The following SLC7A14 variants were observed in gnomAD, a reference collection of about 807,000 sequenced individuals.
SLC7A14 encodes gamma-aminobutyric acid transporter SLC7A14.
SLC7A14 carries 37 observed loss-of-function variants against 60.2 expected under a neutral mutation model. The ratio of observed to expected loss-of-function variants is 0.61; its 90% confidence interval spans 0.47 to 0.81. The LOEUF (loss-of-function observed/expected upper bound fraction) is 0.81, where lower values mean the gene tolerates loss of function less well. Ranked by LOEUF, SLC7A14 falls within the 30% of genes least tolerant of loss-of-function variation. The pLI is 0.00. For synonymous variants in SLC7A14, 399 were observed against 395.8 expected, an observed-to-expected ratio of 1.01 and a Z score of -0.10; for missense variants, 886 against 982.7, an observed-to-expected ratio of 0.90 and a Z score of 1.32.
intron 1 of SLC7A14, among the ~76,000 whole-genome samples, chr3:170,577,441 A>G (rs1715122970): frequency 6.7e-6 from 1 of 149,972 alleles, no homozygotes; most frequent in African/African-American, 2.5e-5. Flanking sequence ...ACAAGGTGAA[A>G]CCCCGTCTCT....
intron 4 of SLC7A14, among the ~76,000 whole-genome samples, chr3:170,493,187 A>G (rs1577510191): frequency 6.6e-6 from 1 of 152,238 alleles, no homozygotes; most frequent in East Asian, 1.9e-4. Context: ...AGATGGAAGC[A>G]GGGGTTCAGC....
chr3:170,521,079 C>G (rs569057693), intron 2 of SLC7A14, among the ~76,000 whole-genome samples: 10 of 152,262 alleles, frequency 6.6e-5, no homozygotes, highest in African/African-American at 2.2e-4. Context: ...TGGTTGTGGC[C>G]TACTGAGCTA....
chr3:170,539,646 A>G (rs947375656), intron 1 of SLC7A14, among the ~76,000 whole-genome samples: 1 of 152,176 alleles, frequency 6.6e-6, no homozygotes, highest in African/African-American at 2.4e-5. Flanking sequence ...GTATCTAATT[A>G]TAGATAAATT....
chr3:170,465,923 T>C lies in SLC7A14; in HGVS notation c.*1132A>G, dbSNP rs961623273. On this transcript the variant is annotated 3_prime_UTR_variant, in exon 8 of 8. Transcript: ENST00000231706. ...TTTCTCTGGGCTTCAGTGAAACTACTCTGGGAAATAACAGGAAAAAAAAAT... is the reference window on the plus strand; with the variant it reads ...TTTCTCTGGGCTTCAGTGAAACTACCCTGGGAAATAACAGGAAAAAAAAAT... 2 of 152,110 alleles carry C rather than the reference T, an allele frequency of 1.3e-5. No homozygotes were observed. Among genetic ancestry groups the C allele is most frequent in the Non-Finnish European group, 2.9e-5 (2 of 68,030 alleles). The allele number at this position is 152,110 out of a possible 1,614,324, so 9.4% of individuals were successfully genotyped here. A position where few individuals can be genotyped will look rare whatever the true frequency, so the allele number is the denominator to read the frequency against.
chr3:170,536,086 T>C (rs1314055612), intron 1 of SLC7A14, among the ~76,000 whole-genome samples: 1 of 152,218 alleles, frequency 6.6e-6, no homozygotes, highest in Non-Finnish European at 1.5e-5. Flanking sequence ...CTGTGTGACC[T>C]TGGGTTTGTA....
chr3:170,555,236 A>T (rs911879504), intron 1 of SLC7A14, among the ~76,000 whole-genome samples: 1 of 151,764 alleles, frequency 6.6e-6, no homozygotes, highest in Non-Finnish European at 1.5e-5. Context: ...ATACATGCTC[A>T]TTGTGGACAA....
chr3:170,506,952 A>G (rs1048512933), intron 2 of SLC7A14, among the ~76,000 whole-genome samples: 4 of 152,198 alleles, frequency 2.6e-5, no homozygotes, highest in African/African-American at 9.6e-5. Context: ...TTGCCTGATC[A>G]TAAGTGGAGA....
chr3:170,500,424 G>T (rs1020508975), intron 3 of SLC7A14, among the ~76,000 whole-genome samples: 1 of 120,188 alleles, frequency 8.3e-6, no homozygotes. Flanking sequence ...GGGCAACAGA[G>T]CAAGACTCTG....
intron 2 of SLC7A14, among the ~76,000 whole-genome samples, chr3:170,506,525 G>T (rs1712786297): frequency 6.6e-6 from 1 of 152,034 alleles, no homozygotes. Flanking sequence ...GTGTGATTTG[G>T]GTTTTCAGAA....
In SLC7A14 at chr3:170,459,698, C is replaced by A. The variant is rs1386529577; in HGVS notation, c.*7357G>T. The A allele has an allele frequency of 6.6e-6, 1 of 152,150 alleles. No homozygotes were observed. The highest frequency in any genetic ancestry group is 1.5e-5 in the Non-Finnish European group (1 of 68,028). 9.4% of individuals were successfully genotyped at this position (152,150 alleles called of 1,614,324 possible). On this transcript the variant is annotated 3_prime_UTR_variant, in exon 8 of 8. Coordinates refer to ENST00000231706, the MANE Select transcript of SLC7A14 (RefSeq NM_020949.3). The stretch of plus-strand genomic sequence containing the variant: ...CAATTGAAACACTTAAGGCGAAATT[C>A]ACTTATTCATCTCCATTTAAGAATG...
In SLC7A14 at chr3:170,568,865, C is replaced by T. The variant is rs1228303577; in HGVS notation, c.-153+17046G>A. On this transcript the variant is annotated intron_variant, in intron 1 of 7. Transcript: ENST00000231706. ...TGATTTTTGTACATTGATTTTGTAT[C>T]CTGAGACTCTGCTGAAGTTGCTTAT... Among the ~76,000 whole-genome samples the T allele has an allele frequency of 5.6e-4, 86 of 152,250 alleles. 1 individual carries two copies. The highest frequency in any genetic ancestry group is 5.6e-3 in the Admixed American group (85 of 15,288).
chr3:170,497,087 CAA>C (rs548290941), intron 4 of SLC7A14, among the ~76,000 whole-genome samples: 9,813 of 94,016 alleles, frequency 0.1, 296 homozygotes, highest in African/African-American at 0.19. Context: ...TTATTTTGTC[CAA>C]AAAAAAAAAA....
chr3:170,470,991 G>A (rs760082736), intron 7 of SLC7A14, among the ~76,000 whole-genome samples: 2 of 152,180 alleles, frequency 1.3e-5, no homozygotes, highest in African/African-American at 4.8e-5. Context: ...TTAGGATAAT[G>A]ATGGATGGTT....
chr3:170,517,683 C>G (rs1469147677), intron 2 of SLC7A14, among the ~76,000 whole-genome samples: 1 of 152,120 alleles, frequency 6.6e-6, no homozygotes, highest in Admixed American at 6.5e-5. Context: ...AAGAACCAGC[C>G]CAGGAGGAGG....
intron 1 of SLC7A14, among the ~76,000 whole-genome samples, chr3:170,556,699 C>T (rs1008603892): frequency 1.1e-4 from 16 of 152,174 alleles, no homozygotes; most frequent in Admixed American, 1.3e-4. Context: ...GCTGTAAAAG[C>T]CTGTTTTCTA....
chr3:170,481,648 C>T (rs563349303), intron 6 of SLC7A14, among the ~76,000 whole-genome samples: 68 of 152,274 alleles, frequency 4.5e-4, no homozygotes, highest in African/African-American at 1.6e-3. Flanking sequence ...GATTCACCCA[C>T]CTCAGCCTCC....
At chr3:170,543,126 CGTGTGGGGTT>C (rs1454856505) in intron 1 of SLC7A14, among the ~76,000 whole-genome samples, 1 of 152,146 alleles carries the variant, frequency 6.6e-6, no homozygotes, top group Non-Finnish European at 1.5e-5. Context: ...CTTTGAGTCA[CGTGTGGGGTT>C]GACCTGTCTG....
intron 1 of SLC7A14, among the ~76,000 whole-genome samples, chr3:170,570,811 C>T (rs1230424554): frequency 6.6e-6 from 1 of 152,116 alleles, no homozygotes; most frequent in Non-Finnish European, 1.5e-5. Flanking sequence ...CATTTCTTTT[C>T]TCTTTTTCCC....
chr3:170,508,487 G>A (rs1402459294), intron 2 of SLC7A14, among the ~76,000 whole-genome samples: 1 of 152,132 alleles, frequency 6.6e-6, no homozygotes, highest in Non-Finnish European at 1.5e-5. Flanking sequence ...GGTTGGGGTG[G>A]GCTGATCTAG....
Sources: allele counts gnomAD v4.1 joint callset (sites outside exome capture counted in the v4.1 genomes callset), GRCh38; gene constraint gnomAD v4.1.1; transcripts MANE v1.5; gene names NCBI Gene and HGNC (gene_info 2026-07-23, HGNC 2026-07-21).